The following LRTM1 variants were observed in gnomAD, a reference collection of about 807,000 sequenced individuals.
LRTM1 encodes leucine rich repeat transmembrane protein 1.
LRTM1 carries 38 observed loss-of-function variants against 32.4 expected under a neutral mutation model. That is an observed-to-expected ratio of 1.17 (90% CI 0.91 to 1.54). The LOEUF is 1.54. Ranked by LOEUF, LRTM1 falls within the 40% of genes most tolerant of loss-of-function variation. The pLI is 0.00. For synonymous variants in LRTM1, 186 were observed against 169.9 expected (o/e 1.09, Z -0.74); for missense variants, 466 against 415.4 (o/e 1.12, Z -1.06).
intron 1 of LRTM1, among the ~76,000 whole-genome samples, chr3:54,945,859 G>A (rs1701599766): frequency 6.6e-6 from 1 of 152,222 alleles, no homozygotes; most frequent in Non-Finnish European, 1.5e-5. Context: ...GGGCAATGCA[G>A]CAAAGCTGAG....
rs533596688 is a variant in LRTM1 at position 54,918,332 on chromosome 3, CTTTTT to C, written c.*122_*126del. Reference sequence around the variant, plus strand: ...TTTTACAGACACATCTTTTTTTTTTCTTTTTTTTTTTTTTTTTTTTTTTGTCTTTT... The same window carrying C: ...TTTTACAGACACATCTTTTTTTTTTCTTTTTTTTTTTTTTTTTTGTCTTTT... On this transcript the variant is annotated 3_prime_UTR_variant, in exon 3 of 3. Transcript: ENST00000273286. 0.036 allele frequency: 8,216 copies of C among 227,062 alleles called. 9 individuals are homozygous for C. The highest frequency in any genetic ancestry group is 0.075 in the East Asian group (1,090 of 14,460). The allele number at this position is 227,062 out of a possible 1,614,324, so 14.1% of individuals were successfully genotyped here.
rs189724838 is a variant in LRTM1, at chr3:54,948,491, T to C, written c.-222+18437A>G. Among the ~76,000 whole-genome samples, 420 of 152,334 alleles carry C rather than the reference T, an allele frequency of 2.8e-3. 5 individuals carry two copies. Among genetic ancestry groups the C allele is most frequent in the African/African-American group, 9.8e-3 (406 of 41,570 alleles). ...ATGGCCTATGTACATTCAACTAGTA[T>C]GGGCAAAGGTAGCATCTTCCTGCAG... On this transcript the variant is annotated intron_variant, in intron 1 of 2. Coordinates refer to the LRTM1 transcript ENST00000493075.
At chr3:54,955,070 A>C (rs188858605) in intron 1 of LRTM1, among the ~76,000 whole-genome samples, 1 of 152,328 alleles carries the variant, frequency 6.6e-6, no homozygotes, top group Admixed American at 6.5e-5. Flanking sequence ...AAGACCGATT[A>C]GTAGGAGAGA....
At chr3:54,919,100 C>T (rs545376700) in intron 2 of LRTM1, among the ~76,000 whole-genome samples, 1 of 152,102 alleles carries the variant, frequency 6.6e-6, no homozygotes, top group African/African-American at 2.4e-5. Context: ...ACTAAATTGG[C>T]AATTACTTAT....
chr3:54,923,094 G>A (rs1027007164), intron 2 of LRTM1, among the ~76,000 whole-genome samples: 5 of 152,012 alleles, frequency 3.3e-5, no homozygotes, highest in Admixed American at 6.6e-5. Flanking sequence ...GCAGCCTTTC[G>A]TCAGTTCTCC....
intron 2 of LRTM1, among the ~76,000 whole-genome samples, chr3:54,920,054 C>T (rs559130284): frequency 2.6e-5 from 4 of 152,302 alleles, no homozygotes; most frequent in African/African-American, 9.6e-5. Context: ...GCCATAAGCA[C>T]CTCCCCTAGG....
At chr3:54,941,382 T>C (rs2106984985) in intron 1 of LRTM1, among the ~76,000 whole-genome samples, 1 of 152,308 alleles carries the variant, frequency 6.6e-6, no homozygotes, top group Non-Finnish European at 1.5e-5. Flanking sequence ...GAGAGTATTC[T>C]TACACATGCA....
At chr3:54,953,554 C>T (rs137931744) in intron 1 of LRTM1, among the ~76,000 whole-genome samples, 1 of 152,210 alleles carries the variant, frequency 6.6e-6, no homozygotes, top group Non-Finnish European at 1.5e-5. Flanking sequence ...AACAAGGCCT[C>T]AGGAGACCTT....
At chr3:54,941,353 T>G (rs1420687440) in intron 1 of LRTM1, among the ~76,000 whole-genome samples, 1 of 152,206 alleles carries the variant, frequency 6.6e-6, no homozygotes, top group Non-Finnish European at 1.5e-5. Flanking sequence ...ATCTCAGTTA[T>G]GAAGTAAGCC....
intron 1 of LRTM1, among the ~76,000 whole-genome samples, chr3:54,926,345 T>C (rs1489121728): frequency 1.3e-5 from 2 of 152,168 alleles, no homozygotes; most frequent in African/African-American, 4.8e-5. Flanking sequence ...CTGAATCACT[T>C]GCCCAAGTTC....
At chr3:54,943,216 A>AC (rs1701522120) in intron 1 of LRTM1, among the ~76,000 whole-genome samples, 1 of 151,506 alleles carries the variant, frequency 6.6e-6, no homozygotes, top group African/African-American at 2.4e-5. Flanking sequence ...AAAAAAAAAA[A>AC]ATGAGAATAA....
chr3:54,931,812 C>T (rs1371265155), upstream of LRTM1, among the ~76,000 whole-genome samples: 3 of 152,050 alleles, frequency 2.0e-5, no homozygotes, highest in East Asian at 3.9e-4. Flanking sequence ...GATTATTAAC[C>T]CTACAATAAA....
At chr3:54,932,980 C>T (rs116423616), upstream of LRTM1, among the ~76,000 whole-genome samples, 700 of 152,248 alleles carry the variant, frequency 4.6e-3, 8 homozygotes, top group African/African-American at 0.016. Flanking sequence ...GATGACCAAA[C>T]GGCACCCAGG....
At chr3:54,924,513 C>T (rs1700953518) in intron 2 of LRTM1, 106 bp downstream of exon 2, 7 of 921,910 alleles carry the variant, frequency 7.6e-6, no homozygotes. Flanking sequence ...AAGCCCAAAT[C>T]CACCCCTTAC....
At chr3:54,965,133 T>C (rs1702119293) in intron 1 of LRTM1, among the ~76,000 whole-genome samples, 1 of 152,226 alleles carries the variant, frequency 6.6e-6, no homozygotes. Context: ...TACTCAGCTC[T>C]GCTATTGGAG....
chr3:54,956,866 A>G (rs1701910308), intron 1 of LRTM1, among the ~76,000 whole-genome samples: 1 of 151,834 alleles, frequency 6.6e-6, no homozygotes, highest in Non-Finnish European at 1.5e-5. Flanking sequence ...GAACACCGAG[A>G]GCACACTACA....
upstream of LRTM1, among the ~76,000 whole-genome samples, chr3:54,928,869 C>T (rs192156487): frequency 1.1e-4 from 17 of 152,246 alleles, no homozygotes; most frequent in East Asian, 2.7e-3. Flanking sequence ...AGGCGTCAGT[C>T]GACTGTGACT....
At position 54,918,756 on chromosome 3, in the gene LRTM1, G is replaced by A. The variant is rs149877698; in HGVS notation, c.741C>T (p.Pro247=). The A allele has an allele frequency of 6.2e-5, 100 of 1,613,970 alleles. No individual in the cohort carries two copies. In the African/African-American group the frequency reaches 9.5e-4, roughly 15 times the overall value. ...PDPVSSQAQW[P]GSAHGVVLRP... ...TCAGGACCACACCGTGGGCAGAGCC[G>A]GGCCACTGAGCCTGCGAGGACACTG... is the stretch of plus-strand genomic sequence containing the variant. The change falls in exon 3 of 3, where the codon CCC becomes CCT. Residue 247 remains proline (P), a synonymous_variant. Transcript: ENST00000273286.
intron 1 of LRTM1, among the ~76,000 whole-genome samples, chr3:54,951,734 C>G (rs1324207712): frequency 6.6e-6 from 1 of 152,236 alleles, no homozygotes; most frequent in South Asian, 2.1e-4. Flanking sequence ...GAGAAAACAT[C>G]TTCTCCCTTG....
Sources: gnomAD v4.1 joint callset for allele counts (sites outside exome capture counted in the v4.1 genomes callset) on GRCh38, gnomAD v4.1.1 for gene constraint, MANE v1.5 for transcripts, NCBI Gene and HGNC (gene_info 2026-07-23, HGNC 2026-07-21) for gene names.